Variants in ARMH4 observed in about 807,000 individuals in gnomAD.
ARMH4 encodes armadillo-like helical domain-containing protein 4.
In ARMH4, 49 loss-of-function variants were observed where a neutral mutation model predicts 61.9. The ratio of observed to expected loss-of-function variants is 0.79; its 90% CI spans 0.63 to 1.00. ARMH4 has a LOEUF of 1.00. Among genes scored for constraint, ARMH4 ranks in the 50% least tolerant of loss-of-function variants. The pLI is 0.00. For synonymous variants in ARMH4, 368 were observed against 341.5 expected, an observed-to-expected ratio of 1.08 and a Z score of -0.85; for missense variants, 934 against 930.0, an observed-to-expected ratio of 1.00 and a Z score of -0.06.
At chr14:58,011,710 T>C (rs1331592649) in intron 6 of ARMH4, among the ~76,000 whole-genome samples, 1 of 147,532 alleles carries the variant, frequency 6.8e-6, no homozygotes, top group African/African-American at 2.5e-5. Context: ...AGCTAATCAA[T>C]ACCTACTAAG....
chr14:58,107,857 G>A lies in ARMH4; in HGVS notation c.1832-10876C>T, dbSNP rs186045725. On this transcript the variant is annotated intron_variant, in intron 4 of 7. Coordinates refer to ENST00000267485, the MANE Select transcript of ARMH4 (RefSeq NM_001001872.4). ...TAGCTTCACCAGGCATGGACTGAGC[G>A]CATATTAGCCTTTCTCCCACTTCTC... Among the ~76,000 whole-genome samples the A allele has an allele frequency of 8.6e-4, 131 of 151,860 alleles. 1 individual carries two copies. Among genetic ancestry groups the A allele is most frequent in the Admixed American group, 2.4e-3 (36 of 15,274 alleles).
intron 4 of ARMH4, among the ~76,000 whole-genome samples, chr14:58,121,983 C>T (rs1432014167): frequency 6.6e-6 from 1 of 152,172 alleles, no homozygotes; most frequent in Non-Finnish European, 1.5e-5. Context: ...AAATGAAGGG[C>T]ATATTCCATG....
chr14:58,030,411 G>C (rs1323894528), intron 5 of ARMH4, among the ~76,000 whole-genome samples: 2 of 152,140 alleles, frequency 1.3e-5, no homozygotes, highest in African/African-American at 4.8e-5. Context: ...AAAAATGGAG[G>C]GAAAAGAAGC....
chr14:58,061,855 C>A (rs554117224), intron 5 of ARMH4, among the ~76,000 whole-genome samples: 1 of 152,064 alleles, frequency 6.6e-6, no homozygotes, highest in South Asian at 2.1e-4. Context: ...GTGGGGGTGG[C>A]CAGGGGATGA....
At chr14:58,093,035 T>C (rs1018144249) in intron 5 of ARMH4, among the ~76,000 whole-genome samples, 11 of 152,082 alleles carry the variant, frequency 7.2e-5, no homozygotes, top group Admixed American at 6.5e-5. Context: ...CCCCATGCTG[T>C]TCTCATAGTA....
chr14:58,045,427 A>C (rs562949368), intron 5 of ARMH4, among the ~76,000 whole-genome samples: 55 of 152,162 alleles, frequency 3.6e-4, no homozygotes, highest in Non-Finnish European at 6.5e-4. Flanking sequence ...ACACCTGGAC[A>C]CAGGAAGGGG....
chr14:58,113,980 G>C (rs1886434423), intron 4 of ARMH4, among the ~76,000 whole-genome samples: 2 of 151,866 alleles, frequency 1.3e-5, no homozygotes, highest in Admixed American at 1.3e-4. Flanking sequence ...TGTCTGGATA[G>C]TTTTAGTAAC....
intron 5 of ARMH4, among the ~76,000 whole-genome samples, chr14:58,094,798 A>G (rs1341154814): frequency 2.6e-5 from 4 of 152,218 alleles, no homozygotes; most frequent in Non-Finnish European, 5.9e-5. Flanking sequence ...GGAGGGATGC[A>G]CTGCAAAGGG....
At chr14:58,133,656 T>C (rs1887204595) in intron 2 of ARMH4, among the ~76,000 whole-genome samples, 1 of 152,212 alleles carries the variant, frequency 6.6e-6, no homozygotes, top group Admixed American at 6.5e-5. Flanking sequence ...ATAATCAGTT[T>C]GTTAAGAAAC....
intron 5 of ARMH4, among the ~76,000 whole-genome samples, chr14:58,090,735 T>C (rs992065022): frequency 2.0e-5 from 3 of 151,300 alleles, no homozygotes; most frequent in Non-Finnish European, 2.9e-5. Flanking sequence ...AAAAATTAGC[T>C]GGGCTGTGGT....
chr14:58,030,979 G>A (rs1594704507), intron 5 of ARMH4, among the ~76,000 whole-genome samples: 1 of 152,162 alleles, frequency 6.6e-6, no homozygotes, highest in Middle Eastern at 3.4e-3. Context: ...CAATTTTTTT[G>A]TATATATACC....
intron 5 of ARMH4, among the ~76,000 whole-genome samples, chr14:58,057,288 G>A (rs1218816033): frequency 6.6e-6 from 1 of 152,190 alleles, no homozygotes. Context: ...CTGGCTCAGT[G>A]CCTTGCACAT....
chr14:58,033,122 G>GCAGTAA (rs1883326424), intron 5 of ARMH4, among the ~76,000 whole-genome samples: 1 of 91,016 alleles, frequency 1.1e-5, no homozygotes, highest in Admixed American at 1.0e-4. Flanking sequence ...CAAAAAGACA[G>GCAGTAA]CAGTAACCTC....
rs767508866 is a variant in ARMH4 at position 58,133,141 on chromosome 14, T to C, written c.1570A>G (p.Ile524Val). ...SRRWEPLATT[I>V]STTVVPLSFE... ...GACAAAGGGACGACTGTAGTTGAAA[T>C]TGTAGTGGCCAGAGGCTCCCATCTT... Residue 524 changes from isoleucine (I) to valine (V), a missense_variant, in exon 3 of 8, where the codon ATT becomes GTT. Ile to Val is a conservative substitution (Grantham distance 29). Coordinates refer to ENST00000267485, the MANE Select transcript of ARMH4 (RefSeq NM_001001872.4). 1.1e-5 allele frequency: 18 copies of C among 1,613,964 alleles called. No homozygotes were observed. The highest frequency in any genetic ancestry group is 3.3e-5 in the South Asian group (3 of 91,076).
In ARMH4 at chr14:58,000,946, G is replaced by A. The variant is rs529399574; in HGVS notation, c.*3790C>T. 1.3e-5 allele frequency: 2 copies of A among 152,266 alleles called. No homozygotes were observed. The highest frequency in any genetic ancestry group is 4.1e-4 in the South Asian group (2 of 4,822). The allele number at this position is 152,266 out of a possible 1,614,324, so 9.4% of individuals were successfully genotyped here. On this transcript the variant is annotated 3_prime_UTR_variant, in exon 8 of 8. Transcript: ENST00000267485. ...CGATATTGTTAACTATAGGCACTAT[G>A]TTATACAGCAGAGCTCTAGAACTTA...
At chr14:58,149,460 A>T (rs1411358479) in intron 1 of ARMH4, among the ~76,000 whole-genome samples, 1 of 152,210 alleles carries the variant, frequency 6.6e-6, no homozygotes, top group South Asian at 2.1e-4. Context: ...GCTGGCAGGG[A>T]AGAGGGTAAG....
At chr14:58,038,572 A>T (rs936841260) in intron 5 of ARMH4, among the ~76,000 whole-genome samples, 1 of 151,748 alleles carries the variant, frequency 6.6e-6, no homozygotes, top group African/African-American at 2.4e-5. Context: ...TTAAAAAAAA[A>T]AAAAGAAATA....
intron 5 of ARMH4, among the ~76,000 whole-genome samples, chr14:58,045,469 A>G (rs569059985): frequency 1.3e-5 from 2 of 152,198 alleles, no homozygotes; most frequent in Admixed American, 1.3e-4. Context: ...TTGTGGGGTG[A>G]GGGGAGTGGG....
intron 5 of ARMH4, among the ~76,000 whole-genome samples, chr14:58,071,703 A>G (rs2141228582): frequency 6.6e-6 from 1 of 152,356 alleles, no homozygotes; most frequent in South Asian, 2.1e-4. Context: ...AGTATTTGTC[A>G]AAGTATTTGA....
Sources: gnomAD v4.1 joint callset for allele counts (sites outside exome capture counted in the v4.1 genomes callset) on GRCh38, gnomAD v4.1.1 for gene constraint, MANE v1.5 for transcripts, NCBI Gene and HGNC (gene_info 2026-07-23, HGNC 2026-07-21) for gene names.